Variants in THSD4 observed in about 807,000 individuals in gnomAD.
THSD4 encodes the protein thrombospondin type 1 domain containing 4.
In THSD4, 69 loss-of-function variants were observed where a neutral mutation model predicts 119.0. The ratio of observed to expected loss-of-function variants is 0.58; its 90% CI spans 0.48 to 0.71. The LOEUF (loss-of-function observed/expected upper bound fraction) is 0.71, where lower values mean the gene tolerates loss of function less well. THSD4 is among the 30% of genes least tolerant of loss of function. THSD4 has a pLI of 0.00. For synonymous variants in THSD4, 524 were observed against 540.4 expected (o/e 0.97, Z 0.42); for missense variants, 1,393 against 1,391.1 (o/e 1.00, Z -0.02).
At chr15:71,424,348 G>A (rs891535072) in intron 7 of THSD4, among the ~76,000 whole-genome samples, 12 of 152,256 alleles carry the variant, frequency 7.9e-5, no homozygotes, top group Admixed American at 7.2e-4. Flanking sequence ...TTGGGGAACA[G>A]AGAAAATTGG....
chr15:71,237,212 T>C (rs1244024656), intron 4 of THSD4, among the ~76,000 whole-genome samples: 1 of 152,038 alleles, frequency 6.6e-6, no homozygotes, highest in Non-Finnish European at 1.5e-5. Flanking sequence ...TGGTGGTACT[T>C]GGGAGTAAGA....
intron 5 of THSD4, among the ~76,000 whole-genome samples, chr15:71,248,013 C>T (rs984539309): frequency 1.1e-4 from 16 of 152,324 alleles, no homozygotes; most frequent in African/African-American, 3.8e-4. Flanking sequence ...TGGCTCATGC[C>T]TGTAATCCCA....
chr15:71,767,455 G>A (rs1187734459), intron 16 of THSD4: 1 of 152,116 alleles, frequency 6.6e-6, no homozygotes. Flanking sequence ...TCCTATTTTT[G>A]GTGATAGTGT....
intron 6 of THSD4, among the ~76,000 whole-genome samples, chr15:71,409,863 G>A (rs1372284740): frequency 6.6e-6 from 1 of 151,170 alleles, no homozygotes; most frequent in African/African-American, 2.4e-5. Flanking sequence ...GCTGAGCACA[G>A]CATTAGTCTT....
intron 4 of THSD4, among the ~76,000 whole-genome samples, chr15:71,240,335 C>T (rs954251067): frequency 6.6e-6 from 1 of 152,282 alleles, no homozygotes; most frequent in South Asian, 2.1e-4. Flanking sequence ...GTTTGAATTT[C>T]ATTGCCATTT....
At chr15:71,668,742 A>C (rs1004196488) in intron 8 of THSD4, among the ~76,000 whole-genome samples, 1 of 152,212 alleles carries the variant, frequency 6.6e-6, no homozygotes. Context: ...CACAACGTGC[A>C]CAGGGTTCTC....
At position 71,748,435 on chromosome 15, in the gene THSD4, C is replaced by T. The variant is rs1872056; in HGVS notation, c.2256C>T (p.Cys752=). The T allele has an allele frequency of 0.24, 392,959 of 1,613,782 alleles. 50,040 individuals carry two copies. The highest frequency in any genetic ancestry group is 0.28 in the African/African-American group (21,157 of 74,942). ...CTGTGTTTCAGTGCTCGGTGCCCTG[C>T]GGCGTGGGACAGAGGACCCGTGATG... ...RTDWTSCSVP[C]GVGQRTRDVK... is the part of the protein sequence containing the mutation. The change falls in exon 14 of 18, where the codon TGC becomes TGT. Residue 752 remains cysteine (C), a synonymous_variant. Transcript: ENST00000261862.
intron 7 of THSD4, among the ~76,000 whole-genome samples, chr15:71,452,670 C>T (rs1421599425): frequency 6.6e-6 from 1 of 152,100 alleles, no homozygotes. Flanking sequence ...GGCTGGAGTG[C>T]AGTAGCGCGA....
At position 71,299,100 on chromosome 15, in the gene THSD4, TG is replaced by T. The variant is rs756381609; in HGVS notation, c.1015+42386del. ...GAGGAACAATAACCACATAGCAGAA[TG>T]ACCATTAAAAGAGGCGGGAATGAGG... On this transcript the variant is annotated intron_variant, in intron 6 of 17. Coordinates refer to ENST00000261862, the MANE Select transcript of THSD4 (RefSeq NM_024817.3). Among the ~76,000 whole-genome samples the T allele has an allele frequency of 2.0e-5, 3 of 152,170 alleles. No homozygotes were observed. The East Asian group carries it at 5.8e-4, about 29-fold the overall frequency.
rs542883522 is a variant in THSD4 at position 71,187,506 on chromosome 15, AT to A, written c.100-27528del. Reference sequence around the variant, plus strand: ...GGATGAAGAGGAACTTGGTGGCCAAATGCTGTTGCTTTCCAGGCATTGGACA... The same window carrying A: ...GGATGAAGAGGAACTTGGTGGCCAAAGCTGTTGCTTTCCAGGCATTGGACA... On this transcript the variant is annotated intron_variant, in intron 3 of 17. Coordinates refer to ENST00000261862, the MANE Select transcript of THSD4 (RefSeq NM_024817.3). 2.0e-3 allele frequency: 311 copies of A among 152,764 alleles called. 1 individual carries two copies. The highest frequency in any genetic ancestry group is 3.6e-3 in the Non-Finnish European group (243 of 68,032). 9.5% of individuals were successfully genotyped at this position (152,764 alleles called of 1,614,324 possible).
chr15:71,164,915 G>A, intron 3 of THSD4: 6 of 1,565,162 alleles, frequency 3.8e-6, no homozygotes, highest in Non-Finnish European at 5.2e-6. Flanking sequence ...TGCTGCATCA[G>A]GCTTTCCTTT....
chr15:71,653,326 A>C (rs2051128655), intron 7 of THSD4, among the ~76,000 whole-genome samples: 1 of 152,196 alleles, frequency 6.6e-6, no homozygotes, highest in Non-Finnish European at 1.5e-5. Flanking sequence ...ACTTCTGTGG[A>C]ACTACCATCA....
chr15:71,114,564 G>A (rs1004906890), upstream of THSD4, among the ~76,000 whole-genome samples: 1 of 152,094 alleles, frequency 6.6e-6, no homozygotes. Context: ...ACCTTGGCTC[G>A]AATGTAAAGA....
At chr15:71,510,145 T>G (rs370168463) in intron 7 of THSD4, among the ~76,000 whole-genome samples, 1 of 152,216 alleles carries the variant, frequency 6.6e-6, no homozygotes, top group East Asian at 1.9e-4. Context: ...AGAAAGTTGT[T>G]GCATTGATAG....
intron 7 of THSD4, among the ~76,000 whole-genome samples, chr15:71,516,826 A>C (rs943814125): frequency 2.0e-5 from 3 of 152,224 alleles, no homozygotes; most frequent in African/African-American, 7.2e-5. Flanking sequence ...TTTGTAGTAC[A>C]TAATATATCT....
chr15:71,140,585 C>A (rs970730343), intron 1 of THSD4, among the ~76,000 whole-genome samples: 1 of 152,150 alleles, frequency 6.6e-6, no homozygotes, highest in Non-Finnish European at 1.5e-5. Flanking sequence ...TCAGAGCAAC[C>A]ATTTACTGAG....
intron 7 of THSD4, among the ~76,000 whole-genome samples, chr15:71,498,178 AAC>A (rs941451631): frequency 1.6e-4 from 25 of 152,328 alleles, no homozygotes; most frequent in African/African-American, 6.0e-4. Flanking sequence ...TAAATTTTGT[AAC>A]ACTTTCTAAT....
At chr15:71,480,853 A>C (rs1363218012) in intron 7 of THSD4, among the ~76,000 whole-genome samples, 1 of 152,080 alleles carries the variant, frequency 6.6e-6, no homozygotes, top group Non-Finnish European at 1.5e-5. Flanking sequence ...ATTTTCAAAC[A>C]CTCATCAACT....
At chr15:71,280,311 C>T (rs2044636813) in intron 6 of THSD4, among the ~76,000 whole-genome samples, 1 of 152,112 alleles carries the variant, frequency 6.6e-6, no homozygotes, top group African/African-American at 2.4e-5. Flanking sequence ...GCTAAAGAAA[C>T]TGGACTGCCT....
Sources: allele counts gnomAD v4.1 joint callset (sites outside exome capture counted in the v4.1 genomes callset), GRCh38; gene constraint gnomAD v4.1.1; transcripts MANE v1.5; gene names NCBI Gene and HGNC (gene_info 2026-07-23, HGNC 2026-07-21).